USP34: variants seen among roughly 807,000 people sequenced by gnomAD.
USP34 encodes the protein ubiquitin carboxyl-terminal hydrolase 34.
USP34 carries 70 observed loss-of-function variants against 460.3 expected under a neutral mutation model. The ratio of observed to expected loss-of-function variants is 0.15; its 90% confidence interval spans 0.13 to 0.19. The LOEUF (loss-of-function observed/expected upper bound fraction) is 0.19. USP34 is among the 10% of genes least tolerant of loss of function. The pLI is 1.00. For missense variants in USP34, 3,985 were observed against 4,236.2 expected, an observed-to-expected ratio of 0.94 and a Z score of 1.65; for synonymous variants, 1,647 against 1,405.3, an observed-to-expected ratio of 1.17 and a Z score of -3.85.
intron 27 of USP34, among the ~76,000 whole-genome samples, chr2:61,306,706 A>G (rs1226456929): frequency 2.0e-5 from 3 of 152,216 alleles, no homozygotes; most frequent in Non-Finnish European, 1.5e-5. Flanking sequence ...CAAAAGACAC[A>G]TGAAAAAATG....
intron 75 of USP34, among the ~76,000 whole-genome samples, chr2:61,198,043 G>A (rs1303081561): frequency 1.3e-5 from 2 of 152,202 alleles, no homozygotes; most frequent in Non-Finnish European, 2.9e-5. Context: ...ACAGGTATGA[G>A]CCACTGTGCC....
Position 61,471,037 on chromosome 2 carries a change from G to A in USP34, c.-345C>T, listed in dbSNP as rs936259603. On this transcript the variant is annotated 5_prime_UTR_variant, in exon 1 of 80. Coordinates refer to ENST00000398571, the MANE Select transcript of USP34 (RefSeq NM_014709.4). ...AGCAGAGTCACTTCACCGACCAGACGCCGCGGCCACCGCCGACGCCGCCGC... is the reference window on the plus strand; with the variant it reads ...AGCAGAGTCACTTCACCGACCAGACACCGCGGCCACCGCCGACGCCGCCGC... 7.9e-5 allele frequency among the ~76,000 whole-genome samples: 12 copies of A among 151,886 alleles called. No individual in the cohort carries two copies. Among genetic ancestry groups the A allele is most frequent in the Non-Finnish European group, 1.6e-4 (11 of 67,846 alleles).
At position 61,236,193 on chromosome 2, in the gene USP34, C is replaced by G. The variant is rs775206154; in HGVS notation, c.6886G>C (p.Asp2296His). ...GTCATTAAGGACACAGCTTTAGGAT[C>G]TGGTAATGTACTGGGAATACAACTA... is the stretch of plus-strand genomic sequence containing the variant. ...LCSCIPSTLP[D>H]PKAVSLMTAK... Residue 2296 changes from aspartate (D) to histidine (H), a missense_variant, in exon 55 of 80, where the codon GAT becomes CAT. By Grantham distance (81) the Asp-to-His change is moderately conservative. This residue lies in a region of USP34 where 604 missense variants were observed against 684.8 expected (regional missense o/e 0.88). Coordinates refer to ENST00000398571, the MANE Select transcript of USP34 (RefSeq NM_014709.4). The G allele has an allele frequency of 6.2e-7, 1 of 1,612,002 alleles. No homozygotes were observed. Among genetic ancestry groups the G allele is most frequent in the South Asian group, 1.1e-5 (1 of 90,394 alleles).
chr2:61,381,431 T>C (rs1692972141), intron 6 of USP34, among the ~76,000 whole-genome samples: 1 of 152,094 alleles, frequency 6.6e-6, no homozygotes, highest in Non-Finnish European at 1.5e-5. Context: ...CTCGACCTCC[T>C]GGGCTCAAGT....
intron 3 of USP34, among the ~76,000 whole-genome samples, chr2:61,399,940 A>G (rs1693662452): frequency 6.8e-6 from 1 of 147,914 alleles, no homozygotes; most frequent in Non-Finnish European, 1.5e-5. Flanking sequence ...GTAATCGCTG[A>G]GAAAGGCTTT....
chr2:61,219,778 A>G (rs1348255592), intron 67 of USP34, among the ~76,000 whole-genome samples: 2 of 152,128 alleles, frequency 1.3e-5, no homozygotes, highest in East Asian at 1.9e-4. Flanking sequence ...AATGTTTATA[A>G]TAAGAAATTT....
At position 61,187,833 on chromosome 2, in the gene USP34, C is replaced by T. The variant is rs1222946930; in HGVS notation, c.*269G>A. ...GCTAGGCAACCCTGTTCTTCCCAGA[C>T]AGCCATATTAAATGAAAGCCACTAA... On this transcript the variant is annotated 3_prime_UTR_variant, in exon 80 of 80. Coordinates refer to ENST00000398571, the MANE Select transcript of USP34 (RefSeq NM_014709.4). The T allele has an allele frequency of 3.5e-6, 4 of 1,153,196 alleles. No individual in the cohort carries two copies. The highest frequency in any genetic ancestry group is 4.1e-5 in the Admixed American group (1 of 24,264). 71.4% of individuals were successfully genotyped at this position (1,153,196 alleles called of 1,614,324 possible). A position where few individuals can be genotyped will look rare whatever the true frequency, so the allele number is the denominator to read the frequency against.
chr2:61,363,763 ACAG>A (rs1354728512), intron 10 of USP34, among the ~76,000 whole-genome samples: 1 of 152,212 alleles, frequency 6.6e-6, no homozygotes, highest in East Asian at 1.9e-4. Flanking sequence ...ACCCATGTTC[ACAG>A]CAGCATTACT....
chr2:61,350,732 G>T (rs745782488), intron 10 of USP34, 39 bp from the exon 11 acceptor site: 1 of 1,592,444 alleles, frequency 6.3e-7, no homozygotes. Flanking sequence ...AAAAATAATT[G>T]CCCAATACAT....
At chr2:61,251,427 A>T (rs562670435) in intron 48 of USP34, among the ~76,000 whole-genome samples, 1 of 152,382 alleles carries the variant, frequency 6.6e-6, no homozygotes, top group African/African-American at 2.4e-5. Context: ...AAATGAATGC[A>T]GGTTGTCTAC....
Position 61,339,604 on chromosome 2 carries a change from T to G in USP34, c.2578A>C (p.Asn860His), listed in dbSNP as rs1691523969. 6.3e-7 allele frequency: 1 copy of G among 1,580,706 alleles called. No homozygotes were observed. The highest frequency in any genetic ancestry group is 1.9e-5 in the Admixed American group (1 of 51,660). The change falls in exon 17 of 80, where the codon AAT becomes CAT. Residue 860 changes from asparagine (N) to histidine (H), a missense_variant. Transcript: ENST00000398571. ...INLDNVCKKG[N>H]TLLWDIVQDE... Reference sequence around the variant, plus strand: ...TGGACTATATCCCACAACAAAGTATTTCCTTTCTTGCAAACATTATCCAAA... The same window carrying G: ...TGGACTATATCCCACAACAAAGTATGTCCTTTCTTGCAAACATTATCCAAA...
intron 21 of USP34, among the ~76,000 whole-genome samples, chr2:61,322,236 AAAAC>A (rs1228929322): frequency 6.6e-6 from 1 of 152,198 alleles, no homozygotes; most frequent in African/African-American, 2.4e-5. Context: ...GTCTCAAAAC[AAAAC>A]AAAGACAAAG....
chr2:61,343,418 C>T (rs1259837148), intron 16 of USP34, among the ~76,000 whole-genome samples: 2 of 152,152 alleles, frequency 1.3e-5, no homozygotes, highest in Non-Finnish European at 2.9e-5. Flanking sequence ...CTTCTGCCTG[C>T]AGATTTGCCT....
intron 10 of USP34, among the ~76,000 whole-genome samples, chr2:61,368,291 G>C (rs916643140): frequency 3.9e-5 from 6 of 152,160 alleles, no homozygotes. Context: ...AATTAGCTGG[G>C]CGTGGTGGCG....
chr2:61,375,768 C>CAAAAAAAAAA lies in USP34; in HGVS notation c.1076+2585_1076+2594dup, dbSNP rs56304309. On this transcript the variant is annotated intron_variant, in intron 8 of 79. Transcript: ENST00000398571. Reference sequence around the variant, plus strand: ...TGGGTGACAGACCAAGACTCTGTCTCAAAAAAAAAAAAAAAAAAAAAAAAA... The same window carrying CAAAAAAAAAA: ...TGGGTGACAGACCAAGACTCTGTCTCAAAAAAAAAAAAAAAAAAAAAAAAAAAAAAAAAAA... Among the ~76,000 whole-genome samples, 70 of 80,862 alleles carry CAAAAAAAAAA rather than the reference C, an allele frequency of 8.7e-4. 1 individual carries two copies. The highest frequency in any genetic ancestry group is 1.4e-3 in the South Asian group (3 of 2,118). The allele number at this position is 80,862 out of a possible 152,430, so 53.0% of individuals were successfully genotyped here. A position where few individuals can be genotyped will look rare whatever the true frequency, so the allele number is the denominator to read the frequency against.
At chr2:61,358,348 A>G (rs1033842543) in intron 10 of USP34, among the ~76,000 whole-genome samples, 1 of 152,214 alleles carries the variant, frequency 6.6e-6, no homozygotes, top group Middle Eastern at 3.4e-3. Flanking sequence ...AATGAAAATG[A>G]GGGCATTCAT....
chr2:61,414,427 A>G (rs1162804598), intron 2 of USP34, among the ~76,000 whole-genome samples: 1 of 152,210 alleles, frequency 6.6e-6, no homozygotes, highest in African/African-American at 2.4e-5. Flanking sequence ...ATCAATAAGT[A>G]TAAGGGTAGG....
intron 37 of USP34, among the ~76,000 whole-genome samples, chr2:61,282,306 G>A (rs2103959139): frequency 6.6e-6 from 1 of 152,210 alleles, no homozygotes; most frequent in South Asian, 2.1e-4. Context: ...GACAACGCAG[G>A]TTTAAAAAAT....
intron 3 of USP34, among the ~76,000 whole-genome samples, chr2:61,397,523 T>C (rs1212805020): frequency 1.3e-5 from 2 of 151,980 alleles, no homozygotes; most frequent in Admixed American, 6.6e-5. Context: ...CCCAGCACTT[T>C]GGGAGGCCAA....
Sources: allele counts gnomAD v4.1 joint callset (sites outside exome capture counted in the v4.1 genomes callset), GRCh38; gene constraint gnomAD v4.1.1; regional missense constraint gnomAD v4.1.1; transcripts MANE v1.5; gene names NCBI Gene and HGNC (gene_info 2026-07-23, HGNC 2026-07-21).